DNAJB14: variants seen among roughly 807,000 people sequenced by gnomAD.
DNAJB14 encodes the protein DnaJ heat shock protein family (Hsp40) member B14.
Under a neutral mutation model 48.4 loss-of-function variants are expected in DNAJB14, and 22 were observed. The ratio of observed to expected loss-of-function variants is 0.45; its 90% CI spans 0.32 to 0.65. DNAJB14 has a LOEUF of 0.65. Ranked by LOEUF, DNAJB14 falls within the 30% of genes least tolerant of loss-of-function variation. The probability of loss-of-function intolerance (pLI) is 0.03; values close to 1 mark genes in which losing one functional copy is unlikely to be tolerated. For synonymous variants in DNAJB14, 142 were observed against 158.7 expected (o/e 0.89, Z 0.79); for missense variants, 319 against 458.8 (o/e 0.70, Z 2.78).
At chr4:99,929,143 A>G in intron 2 of DNAJB14, 1 of 153,024 alleles carries the variant, frequency 6.5e-6, no homozygotes, top group Non-Finnish European at 1.5e-5. Flanking sequence ...CCCAGGCTGG[A>G]GTGCAGTGGT....
intron 5 of DNAJB14, 51 bp downstream of exon 5, chr4:99,906,466 C>T (rs1725471037): frequency 1.3e-6 from 2 of 1,556,930 alleles, no homozygotes; most frequent in Non-Finnish European, 1.8e-6. Flanking sequence ...ACTCTAATTA[C>T]TTTTCCTGAG....
chr4:99,901,135 C>T lies in DNAJB14; in HGVS notation c.1033G>A (p.Ala345Thr). The T allele has an allele frequency of 6.2e-7, 1 of 1,605,186 alleles. No homozygotes were observed. Among genetic ancestry groups the T allele is most frequent in the South Asian group, 1.1e-5 (1 of 89,626 alleles). ...CGATCATCACGGTATACTTTTGCTG[C>T]ATACTGCATATCTGTTTCTGTTAAT... ...ERQQKTDMQYAAKVYRDDRLR... is the reference protein window; with the variant it reads ...ERQQKTDMQYTAKVYRDDRLR... Residue 345 changes from alanine to threonine, a missense_variant, in exon 8 of 8, where the codon GCA becomes ACA. Physicochemically the swap from Ala to Thr is moderately conservative, Grantham distance 58. Around this residue, in one of 3 missense-constraint regions of DNAJB14, gnomAD observed 166 missense variants for 236.3 expected, o/e 0.70. Coordinates refer to ENST00000442697, the MANE Select transcript of DNAJB14 (RefSeq NM_001031723.4).
chr4:99,934,850 T>C (rs1171854622), intron 1 of DNAJB14, among the ~76,000 whole-genome samples: 1 of 126,964 alleles, frequency 7.9e-6, no homozygotes, highest in Non-Finnish European at 1.7e-5. Flanking sequence ...CAAAAACTTA[T>C]GTGATAAAAC....
chr4:99,946,298 C>A (rs947487109), intron 1 of DNAJB14, 141 bp downstream of exon 1: 1 of 1,328,012 alleles, frequency 7.5e-7, no homozygotes, highest in African/African-American at 1.5e-5. Flanking sequence ...TCGGGATGCT[C>A]CCCACCGGGC....
At chr4:99,929,719 CTA>C (rs1290509792) in intron 2 of DNAJB14, 2 of 152,132 alleles carry the variant, frequency 1.3e-5, no homozygotes, top group African/African-American at 4.8e-5. Flanking sequence ...AGTTAGTTCA[CTA>C]TATTATGATT....
intron 2 of DNAJB14, 126 bp from the exon 3 acceptor site, chr4:99,923,311 G>T: frequency 2.2e-6 from 2 of 890,882 alleles, no homozygotes; most frequent in Non-Finnish European, 3.2e-6. Context: ...ATCTAATGAA[G>T]GCTTATCCCT....
At position 99,905,014 on chromosome 4, in the gene DNAJB14, T is replaced by C. The variant is rs1156756590; in HGVS notation, c.842+583A>G. On this transcript the variant is annotated intron_variant, in intron 6 of 7. Transcript: ENST00000442697. ...TCACTGATTTTTATTATTTTTTCTTTATATGCTTCTTATTTATTCATGCTG... is the reference window on the plus strand; with the variant it reads ...TCACTGATTTTTATTATTTTTTCTTCATATGCTTCTTATTTATTCATGCTG... 5.9e-5 allele frequency among the ~76,000 whole-genome samples: 9 copies of C among 152,146 alleles called. No individual in the cohort carries two copies. In the East Asian group the frequency reaches 1.7e-3, roughly 29 times the overall value.
At chr4:99,940,183 A>C (rs1022666632) in intron 1 of DNAJB14, among the ~76,000 whole-genome samples, 11 of 152,270 alleles carry the variant, frequency 7.2e-5, no homozygotes, top group Admixed American at 2.0e-4. Flanking sequence ...GTCCACCATT[A>C]GCTGAATTGA....
At chr4:99,905,987 CA>C in intron 5 of DNAJB14, 1 of 1,291,454 alleles carries the variant, frequency 7.7e-7, no homozygotes, top group South Asian at 1.5e-5. Context: ...CCCTCCCCCC[CA>C]CACACAGAGA....
intron 1 of DNAJB14, among the ~76,000 whole-genome samples, chr4:99,943,864 A>G (rs919646402): frequency 6.6e-6 from 1 of 152,260 alleles, no homozygotes; most frequent in African/African-American, 2.4e-5. Flanking sequence ...GCACAAAAAA[A>G]CAAAGCAAAA....
At chr4:99,901,852 G>A (rs1725305330) in intron 7 of DNAJB14, among the ~76,000 whole-genome samples, 1 of 151,978 alleles carries the variant, frequency 6.6e-6, no homozygotes, top group Admixed American at 6.6e-5. Flanking sequence ...ACTTAAAGAA[G>A]ATGTAACAGA....
rs940883879 is a variant in DNAJB14 at position 99,904,009 on chromosome 4, T to C, written c.843-111A>G. The C allele has an allele frequency of 2.9e-5, 33 of 1,146,736 alleles. No homozygotes were observed. In the East Asian group the frequency reaches 8.3e-4, roughly 29 times the overall value. The allele number at this position is 1,146,736 out of a possible 1,614,324, so 71.0% of individuals were successfully genotyped here. ...ATCATTGAAAAGTTAATATTGGTAA[T>C]ACAGGTTGAGCATCCCTAATCCGAA... On this transcript the variant is annotated intron_variant, in intron 6 of 7. Coordinates refer to ENST00000442697, the MANE Select transcript of DNAJB14 (RefSeq NM_001031723.4).
chr4:99,940,417 AC>A (rs2110225065), intron 1 of DNAJB14, among the ~76,000 whole-genome samples: 1 of 152,010 alleles, frequency 6.6e-6, no homozygotes, highest in East Asian at 1.9e-4. Context: ...ACATGGTGAA[AC>A]CCCGTCTCTA....
In DNAJB14 at chr4:99,903,727, T is replaced by C. The variant is rs576417920; in HGVS notation, c.1014A>G (p.Gln338=). ...ATGTTAAACACATGACAAACTTACT[T>C]TGTTGTCTTTCTTTCCAGCAGTTAT... ...IRNNCWKERQ[Q]KTDMQYAAKV... Residue 338 remains glutamine (Q), a splice_region_variant and synonymous_variant, in exon 7 of 8, where the codon CAA becomes CAG. Transcript: ENST00000442697. 1.2e-6 allele frequency: 2 copies of C among 1,606,370 alleles called. No individual in the cohort carries two copies. The highest frequency in any genetic ancestry group is 2.7e-5 in the African/African-American group (2 of 74,334).
intron 1 of DNAJB14, among the ~76,000 whole-genome samples, chr4:99,934,703 G>C (rs1207232865): frequency 7.5e-6 from 1 of 133,806 alleles, no homozygotes; most frequent in Non-Finnish European, 1.6e-5. Flanking sequence ...TGAGGTGGGA[G>C]AATTGCTTGA....
intron 1 of DNAJB14, among the ~76,000 whole-genome samples, chr4:99,931,048 T>A (rs1726449705): frequency 1.3e-5 from 2 of 152,070 alleles, no homozygotes; most frequent in African/African-American, 2.4e-5. Context: ...TCAGAAAAAA[T>A]AAATTGCTAA....
intron 1 of DNAJB14, among the ~76,000 whole-genome samples, chr4:99,935,517 T>C (rs1726641406): frequency 2.0e-5 from 3 of 152,196 alleles, no homozygotes; most frequent in Non-Finnish European, 4.4e-5. Flanking sequence ...TAAGGACTGG[T>C]AGTAGTAAGC....
chr4:99,921,026 G>C (rs192525863), intron 3 of DNAJB14, among the ~76,000 whole-genome samples: 24 of 152,308 alleles, frequency 1.6e-4, no homozygotes, highest in Non-Finnish European at 3.4e-4. Context: ...GATCCTGTGT[G>C]CTAAATGAAT....
At chr4:99,923,019 G>T in intron 3 of DNAJB14, 21 bp downstream of exon 3, 1 of 1,583,088 alleles carries the variant, frequency 6.3e-7, no homozygotes, top group Non-Finnish European at 8.6e-7. Context: ...TAGTAAAATT[G>T]CTTTAAAAGG....
Sources: gnomAD v4.1 joint callset for allele counts (sites outside exome capture counted in the v4.1 genomes callset) on GRCh38, gnomAD v4.1.1 for gene constraint, gnomAD v4.1.1 regional missense constraint, MANE v1.5 for transcripts, NCBI Gene and HGNC (gene_info 2026-07-23, HGNC 2026-07-21) for gene names.